KDM4C: variants seen among roughly 807,000 people sequenced by gnomAD.
KDM4C encodes the protein lysine-specific demethylase 4C.
Under a neutral mutation model 129.3 loss-of-function variants are expected in KDM4C, and 81 were observed. The ratio of observed to expected loss-of-function variants is 0.63; its 90% CI spans 0.52 to 0.75. KDM4C has a LOEUF of 0.75. Ranked by LOEUF, KDM4C falls within the 30% of genes least tolerant of loss-of-function variation. The pLI, the probability that KDM4C is intolerant of heterozygous loss-of-function variation, is 0.00. For missense variants in KDM4C, 1,457 were observed against 1,304.0 expected (o/e 1.12, Z -1.81); for synonymous variants, 573 against 456.1 (o/e 1.26, Z -3.26).
intron 18 of KDM4C, among the ~76,000 whole-genome samples, chr9:7,119,998 G>A (rs1839320351): frequency 6.6e-6 from 1 of 152,128 alleles, no homozygotes; most frequent in South Asian, 2.1e-4. Flanking sequence ...ACCTAGGAAT[G>A]TGCCTTATTT....
intron 17 of KDM4C, 75 bp downstream of exon 17, chr9:7,049,275 A>T (rs1829831356): frequency 1.4e-6 from 1 of 712,128 alleles, no homozygotes; most frequent in Non-Finnish European, 2.4e-6. Flanking sequence ...ATTAATGCAC[A>T]CATTCCCAAG....
At chr9:7,140,912 C>T (rs1035059670) in intron 19 of KDM4C, among the ~76,000 whole-genome samples, 3 of 152,186 alleles carry the variant, frequency 2.0e-5, no homozygotes, top group African/African-American at 4.8e-5. Context: ...GATGGGTGAT[C>T]AGTGCGACCT....
intron 3 of KDM4C, among the ~76,000 whole-genome samples, chr9:6,811,762 T>G (rs1453357731): frequency 1.3e-5 from 2 of 152,110 alleles, no homozygotes; most frequent in Admixed American, 6.5e-5. Context: ...TGTCTAGGGT[T>G]TTGTGGCTTA....
chr9:7,038,143 A>G (rs984742996), intron 15 of KDM4C, among the ~76,000 whole-genome samples: 4 of 152,142 alleles, frequency 2.6e-5, no homozygotes, highest in Non-Finnish European at 5.9e-5. Flanking sequence ...AATAGAAAAA[A>G]GATATAAATA....
At chr9:6,962,832 A>G (rs1414983226) in intron 8 of KDM4C, among the ~76,000 whole-genome samples, 1 of 152,164 alleles carries the variant, frequency 6.6e-6, no homozygotes, top group Non-Finnish European at 1.5e-5. Context: ...CAATTACTAA[A>G]AAAAGAAATC....
chr9:6,990,494 C>G lies in KDM4C; in HGVS notation c.1756C>G (p.Leu586Val), dbSNP rs142354964. ...GCCTCCAGCAAGATCTCCGATGACT[C>G]TTGTGAAGCAGCAGGCGCCAAGTGA... The part of the protein sequence containing the change: ...SRPPARSPMT[L>V]VKQQAPSDEE... Residue 586 changes from leucine to valine, a missense_variant, in exon 12 of 22, where the codon CTT (leucine) becomes GTT (valine). By Grantham distance (32) the Leu-to-Val change is conservative. Transcript: ENST00000381309. 16 of 1,611,904 alleles carry G rather than the reference C, an allele frequency of 9.9e-6. No individual in the cohort carries two copies. The African/African-American group carries it at 2.1e-4, about 22-fold the overall frequency.
intron 8 of KDM4C, among the ~76,000 whole-genome samples, chr9:6,946,481 T>C (rs1265095379): frequency 6.6e-6 from 1 of 152,176 alleles, no homozygotes; most frequent in Non-Finnish European, 1.5e-5. Context: ...ACTTATAGTT[T>C]TAAAACATTT....
intron 12 of KDM4C, among the ~76,000 whole-genome samples, chr9:7,006,571 G>A (rs1821712134): frequency 6.6e-6 from 1 of 152,074 alleles, no homozygotes. Context: ...AGAAGGGAGG[G>A]TTGTAAGCAG....
intron 17 of KDM4C, among the ~76,000 whole-genome samples, chr9:7,098,163 C>G (rs551358572): frequency 2.6e-4 from 40 of 152,280 alleles, no homozygotes; most frequent in African/African-American, 9.6e-4. Context: ...TTTTATTTAA[C>G]ATTTTATCAG....
chr9:6,752,436 G>A (rs1486194416), intron 1 of KDM4C, among the ~76,000 whole-genome samples: 5 of 134,408 alleles, frequency 3.7e-5, no homozygotes, highest in Non-Finnish European at 7.8e-5. Context: ...TTCCGGTGGA[G>A]TTTCGCTCTT....
At chr9:7,125,992 G>C (rs889001937) in intron 18 of KDM4C, among the ~76,000 whole-genome samples, 1 of 152,218 alleles carries the variant, frequency 6.6e-6, no homozygotes, top group East Asian at 1.9e-4. Flanking sequence ...CCTGAAAGGG[G>C]AACGGGGACT....
At chr9:7,121,787 C>G (rs958204207) in intron 18 of KDM4C, among the ~76,000 whole-genome samples, 1 of 151,956 alleles carries the variant, frequency 6.6e-6, no homozygotes, top group East Asian at 1.9e-4. Context: ...ACAATACCTT[C>G]CATTCAATCA....
chr9:7,045,787 A>G (rs879765119), intron 15 of KDM4C, among the ~76,000 whole-genome samples: 7 of 152,068 alleles, frequency 4.6e-5, no homozygotes, highest in Non-Finnish European at 7.4e-5. Context: ...ATTACTGCCT[A>G]ACAAAAGTTA....
chr9:7,082,806 C>T lies in KDM4C; in HGVS notation c.2425-20879C>T, dbSNP rs116578337. ...TTGCAGTAGCAAAACACAGAGCTGACAAAAGGGACTTATGCCTTTTGTTCA... is the reference window on the plus strand; with the variant it reads ...TTGCAGTAGCAAAACACAGAGCTGATAAAAGGGACTTATGCCTTTTGTTCA... On this transcript the variant is annotated intron_variant, in intron 17 of 21. Transcript: ENST00000381309. 3.2e-3 allele frequency among the ~76,000 whole-genome samples: 482 copies of T among 152,154 alleles called. 1 individual carries two copies. Among genetic ancestry groups the T allele is most frequent in the African/African-American group, 0.011 (453 of 41,484 alleles).
rs576654092 is a variant in KDM4C at position 6,769,742 on chromosome 9, A to AAG, written c.-18+11542_-18+11543dup. On this transcript the variant is annotated intron_variant, in intron 1 of 21. Coordinates refer to ENST00000381309, the MANE Select transcript of KDM4C (RefSeq NM_015061.6). The stretch of plus-strand genomic sequence containing the variant: ...GTAGATGGACAATGCCTCCTGCTCC[A>AAG]AGAGCAAGCACATGGAGAAAGGGTC... 1.5e-3 allele frequency among the ~76,000 whole-genome samples: 226 copies of AAG among 151,754 alleles called. 2 individuals are homozygous for AAG. The highest frequency in any genetic ancestry group is 2.5e-3 in the Non-Finnish European group (171 of 67,850).
At position 6,923,361 on chromosome 9, in the gene KDM4C, T is replaced by G. The variant is rs562689419; in HGVS notation, c.921+30129T>G. 2.6e-5 allele frequency among the ~76,000 whole-genome samples: 4 copies of G among 151,432 alleles called. No homozygotes were observed. In the South Asian group the frequency reaches 8.4e-4, roughly 32 times the overall value. The stretch of plus-strand genomic sequence containing the variant: ...TGTAGTTGCAGTTTCCGTTTAAATG[T>G]TTTTTTTTCCTTTGAGATACTTCAT... On this transcript the variant is annotated intron_variant, in intron 8 of 21. Coordinates refer to ENST00000381309, the MANE Select transcript of KDM4C (RefSeq NM_015061.6).
intron 15 of KDM4C, among the ~76,000 whole-genome samples, chr9:7,021,806 C>G (rs1183466616): frequency 6.6e-6 from 1 of 152,136 alleles, no homozygotes; most frequent in Non-Finnish European, 1.5e-5. Flanking sequence ...TTTAAGTCTG[C>G]AGTCCATTTT....
chr9:6,801,239 ATTTTTTTTTTTTTTTTTTT>A (rs59151680), intron 2 of KDM4C, among the ~76,000 whole-genome samples: 3 of 65,716 alleles, frequency 4.6e-5, no homozygotes, highest in African/African-American at 6.5e-5. Flanking sequence ...GAGTAGGGAA[ATTTTTTTTTTTTTTTTTTT>A]TTTTTTTTTT....
intron 15 of KDM4C, among the ~76,000 whole-genome samples, chr9:7,037,202 C>T (rs932214011): frequency 7.2e-5 from 11 of 152,236 alleles, no homozygotes; most frequent in African/African-American, 2.4e-4. Context: ...CTGTTATGAA[C>T]GTGTCAGATA....
Sources: gnomAD v4.1 joint callset for allele counts (sites outside exome capture counted in the v4.1 genomes callset) on GRCh38, gnomAD v4.1.1 for gene constraint, MANE v1.5 for transcripts, NCBI Gene and HGNC (gene_info 2026-07-23, HGNC 2026-07-21) for gene names.